Variants in FOXK2 observed in about 807,000 individuals in gnomAD.
FOXK2 encodes the protein forkhead box K2, also known as forkhead box protein K2.
In FOXK2, 24 loss-of-function variants were observed where a neutral mutation model predicts 53.3. That is an observed-to-expected ratio of 0.45 (90% confidence interval 0.33 to 0.63). The LOEUF is 0.63. Ranked by LOEUF, FOXK2 falls within the 30% of genes least tolerant of loss-of-function variation. The pLI is 0.03. For synonymous variants in FOXK2, 505 were observed against 407.1 expected, an observed-to-expected ratio of 1.24 and a Z score of -2.89; for missense variants, 952 against 910.5, an observed-to-expected ratio of 1.05 and a Z score of -0.59.
intron 1 of FOXK2, among the ~76,000 whole-genome samples, chr17:82,546,138 A>C (rs1251803850): frequency 1.1e-5 from 1 of 87,802 alleles, no homozygotes. Context: ...TTTTTTTGAG[A>C]TGGAGTCTCG....
At chr17:82,523,905 C>T (rs4789696) in intron 1 of FOXK2, among the ~76,000 whole-genome samples, 25,916 of 151,940 alleles carry the variant, frequency 0.17, 2,775 homozygotes, top group East Asian at 0.39. Flanking sequence ...ATGTAAAGGC[C>T]AAAGTATTAT....
chr17:82,536,599 C>G (rs559484862), intron 1 of FOXK2, among the ~76,000 whole-genome samples: 9 of 152,368 alleles, frequency 5.9e-5, no homozygotes, highest in South Asian at 4.1e-4. Flanking sequence ...ACAGTCTTTA[C>G]GAACTGGCTC....
At chr17:82,529,834 C>G (rs1188365042) in intron 1 of FOXK2, among the ~76,000 whole-genome samples, 1 of 152,226 alleles carries the variant, frequency 6.6e-6, no homozygotes, top group Non-Finnish European at 1.5e-5. Flanking sequence ...AACTAGGTCC[C>G]TTAAGGCAGT....
chr17:82,585,976 C>G lies in FOXK2; in HGVS notation c.1352C>G (p.Thr451Ser), dbSNP rs141760151. The G allele has an allele frequency of 6.2e-7, 1 of 1,612,824 alleles. No individual in the cohort carries two copies. The highest frequency in any genetic ancestry group is 1.3e-5 in the African/African-American group (1 of 75,076). The change falls in exon 7 of 9, where the codon ACC becomes AGC. Residue 451 changes from threonine (T) to serine (S), a missense_variant. By Grantham distance (58) the Thr-to-Ser change is moderately conservative (BLOSUM62 1). This residue lies in a region of FOXK2 where 551 missense variants were observed against 385.1 expected (regional missense o/e 1.43). Coordinates refer to ENST00000335255, the MANE Select transcript of FOXK2 (RefSeq NM_004514.4). The part of the protein sequence containing the change: ...RQLPQAIKPV[T>S]YTVATPVTTS... ...CTACCACAGGCCATCAAGCCTGTCA[C>G]CTACACTGTGGCCACCCCAGTGACC...
At chr17:82,531,523 G>T (rs554349513) in intron 1 of FOXK2, among the ~76,000 whole-genome samples, 1 of 152,220 alleles carries the variant, frequency 6.6e-6, no homozygotes, top group East Asian at 1.9e-4. Context: ...ACTTGTACAA[G>T]CCTAGATGAC....
chr17:82,594,489 CTG>C (rs1214163768), intron 8 of FOXK2, among the ~76,000 whole-genome samples: 1 of 108,586 alleles, frequency 9.2e-6, no homozygotes, highest in South Asian at 2.9e-4. Context: ...CAGAGCGAGA[CTG>C]TCTCAAAAAA....
intron 2 of FOXK2, 136 bp downstream of exon 2, chr17:82,563,684 C>A: frequency 1.4e-6 from 1 of 726,262 alleles, no homozygotes; most frequent in Non-Finnish European, 2.1e-6. Flanking sequence ...CATTGGATTT[C>A]TGCTCTGAAT....
In FOXK2 at chr17:82,563,562, G is replaced by A. The variant is rs370351115; in HGVS notation, c.614+14G>A. Reference sequence around the variant, plus strand: ...GGGAACCATCAGGTGCGGCCATGGGGATGGGGGACTGGAGCATCCTTAGTC... The same window carrying A: ...GGGAACCATCAGGTGCGGCCATGGGAATGGGGGACTGGAGCATCCTTAGTC... On this transcript the variant is annotated intron_variant, in intron 2 of 8. Coordinates refer to ENST00000335255, the MANE Select transcript of FOXK2 (RefSeq NM_004514.4). 3.5e-5 allele frequency: 56 copies of A among 1,608,004 alleles called. 1 individual carries two copies. The African/African-American group carries it at 6.3e-4, about 18-fold the overall frequency.
intron 1 of FOXK2, among the ~76,000 whole-genome samples, chr17:82,550,197 AACAC>A (rs144639667): frequency 4.6e-5 from 7 of 150,868 alleles, no homozygotes; most frequent in African/African-American, 1.5e-4. Flanking sequence ...TCTCTAAACA[AACAC>A]ACACACACAC....
chr17:82,557,662 A>T (rs567220181), intron 1 of FOXK2, among the ~76,000 whole-genome samples: 1 of 151,702 alleles, frequency 6.6e-6, no homozygotes, highest in South Asian at 2.1e-4. Context: ...TTTTTAAAAA[A>T]ACTAGAAATG....
chr17:82,558,250 A>G (rs1240949230), intron 1 of FOXK2, among the ~76,000 whole-genome samples: 1 of 152,152 alleles, frequency 6.6e-6, no homozygotes, highest in African/African-American at 2.4e-5. Flanking sequence ...AGACAGGAGG[A>G]TCCCTTGAGC....
rs566756782 is a variant in FOXK2 at position 82,576,714 on chromosome 17, G to T, written c.909+4844G>T. The T allele has an allele frequency of 9.2e-6, 9 of 983,136 alleles. No homozygotes were observed. The East Asian group carries it at 2.0e-4, about 22-fold the overall frequency. 60.9% of individuals were successfully genotyped at this position (983,136 alleles called of 1,614,324 possible). On this transcript the variant is annotated intron_variant, in intron 4 of 8. Coordinates refer to ENST00000335255, the MANE Select transcript of FOXK2 (RefSeq NM_004514.4). ...GTCTAGTCCTCGGCCTTCTTTTTCT[G>T]CTCTGTAGTCCAAAACCGTGAACGT...
intron 1 of FOXK2, among the ~76,000 whole-genome samples, chr17:82,556,656 G>A (rs879125667): frequency 6.6e-6 from 1 of 152,120 alleles, no homozygotes; most frequent in Non-Finnish European, 1.5e-5. Context: ...TGGTCAGGCT[G>A]TGAGCAGATG....
chr17:82,586,102 C>T lies in FOXK2; in HGVS notation c.1478C>T (p.Thr493Met), dbSNP rs144577090. The T allele has an allele frequency of 2.1e-4, 334 of 1,612,740 alleles. No homozygotes were observed. Among genetic ancestry groups the T allele is most frequent in the Middle Eastern group, 3.3e-4 (2 of 6,062 alleles). Residue 493 changes from threonine (T) to methionine (M), a missense_variant, in exon 7 of 9, where the codon ACG (threonine) becomes ATG (methionine). Physicochemically the swap from Thr to Met is moderately conservative, Grantham distance 81. Coordinates refer to ENST00000335255, the MANE Select transcript of FOXK2 (RefSeq NM_004514.4). The stretch of plus-strand genomic sequence containing the variant: ...GTGGCCGGACTGGCCCCAGCGAACA[C>T]GTACACTGTCTCTGGACAAGCTGTG... ...TSVAGLAPAN[T>M]YTVSGQAVVT...
chr17:82,519,793 C>T lies in FOXK2; in HGVS notation c.-96C>T, dbSNP rs2044339628. On this transcript the variant is annotated 5_prime_UTR_variant, in exon 1 of 9. Transcript: ENST00000335255. ...GCCTCCGCTCGGCCCCCTCCCTCAG[C>T]TCCGGTGCGCGGCGGCCGACGACCC... is the stretch of plus-strand genomic sequence containing the variant. The T allele has an allele frequency of 2.7e-6, 1 of 375,002 alleles. No homozygotes were observed. Among genetic ancestry groups the T allele is most frequent in the Non-Finnish European group, 3.6e-6 (1 of 275,596 alleles). The allele number at this position is 375,002 out of a possible 1,614,324, so 23.2% of individuals were successfully genotyped here.
intron 4 of FOXK2, among the ~76,000 whole-genome samples, chr17:82,573,599 C>CACACAA (rs1283468210): frequency 6.8e-6 from 1 of 147,144 alleles, no homozygotes; most frequent in Admixed American, 6.8e-5. Flanking sequence ...CACACACACA[C>CACACAA]AACCAGATAA....
At chr17:82,553,307 G>T (rs1336027503) in intron 1 of FOXK2, among the ~76,000 whole-genome samples, 4 of 152,266 alleles carry the variant, frequency 2.6e-5, no homozygotes, top group Non-Finnish European at 5.9e-5. Context: ...TGAGTTATCT[G>T]TGTCACGGCA....
chr17:82,585,820 G>C, intron 6 of FOXK2, 84 bp from the exon 7 acceptor site: 1 of 1,376,642 alleles, frequency 7.3e-7, no homozygotes, highest in Non-Finnish European at 1.0e-6. Context: ...AAGTTTGTAT[G>C]TTGCTTGTCA....
chr17:82,542,208 C>G (rs139923818), intron 1 of FOXK2, among the ~76,000 whole-genome samples: 2 of 149,776 alleles, frequency 1.3e-5, no homozygotes, highest in African/African-American at 4.9e-5. Context: ...GTCGCCCAGG[C>G]TGGAGTGCAA....
Sources: allele counts gnomAD v4.1 joint callset (sites outside exome capture counted in the v4.1 genomes callset), GRCh38; gene constraint gnomAD v4.1.1; regional missense constraint gnomAD v4.1.1; transcripts MANE v1.5; gene names NCBI Gene and HGNC (gene_info 2026-07-23, HGNC 2026-07-21).